The following TAPT1 variants were observed in gnomAD, a reference collection of about 807,000 sequenced individuals.
TAPT1 encodes the protein transmembrane anterior posterior transformation protein 1 homolog.
TAPT1 carries 28 observed loss-of-function variants against 65.6 expected under a neutral mutation model. The ratio of observed to expected loss-of-function variants is 0.43; its 90% CI spans 0.32 to 0.59. The LOEUF is 0.59. Among genes scored for constraint, TAPT1 ranks in the 20% least tolerant of loss-of-function variants. The pLI is 0.09. For missense variants in TAPT1, 563 were observed against 679.9 expected (o/e 0.83, Z 1.91); for synonymous variants, 278 against 245.2 (o/e 1.13, Z -1.25).
At chr4:16,164,768 C>G (rs951087149) in intron 13 of TAPT1, among the ~76,000 whole-genome samples, 1 of 152,086 alleles carries the variant, frequency 6.6e-6, no homozygotes, top group Non-Finnish European at 1.5e-5. Context: ...CAAGAGAACA[C>G]GTACAGGCCC....
chr4:16,179,655 T>C lies in TAPT1; in HGVS notation c.919A>G (p.Ile307Val). 6.6e-7 allele frequency: 1 copy of C among 1,515,478 alleles called. No homozygotes were observed. Among genetic ancestry groups the C allele is most frequent in the East Asian group, 2.5e-5 (1 of 40,440 alleles). 93.9% of individuals were successfully genotyped at this position (1,515,478 alleles called of 1,614,324 possible). ...ACATAATTTGTGAATCGTTCCTTAA[T>C]ATCTAAAAGAAAAAAAATCAACATA... ...NNLFQMSNSD[I>V]KERFTNYVLL... is the part of the protein sequence containing the mutation. The change falls in exon 8 of 14, where the codon ATT becomes GTT. Residue 307 changes from isoleucine (I) to valine (V), a missense_variant and splice_region_variant. Physicochemically the swap from Ile to Val is conservative, Grantham distance 29 (BLOSUM62 3). Coordinates refer to ENST00000405303, the MANE Select transcript of TAPT1 (RefSeq NM_153365.3).
At chr4:16,212,803 C>T (rs1238368783) in intron 2 of TAPT1, among the ~76,000 whole-genome samples, 3 of 152,242 alleles carry the variant, frequency 2.0e-5, no homozygotes, top group African/African-American at 4.8e-5. Context: ...CAGCAAGTGA[C>T]GCTTCACCAA....
At chr4:16,224,275 G>A (rs1751424527) in intron 1 of TAPT1, among the ~76,000 whole-genome samples, 1 of 152,136 alleles carries the variant, frequency 6.6e-6, no homozygotes, top group Admixed American at 6.5e-5. Context: ...ACAGAGCAGG[G>A]GAAGAGGGCA....
chr4:16,220,578 G>A (rs1353554809), intron 1 of TAPT1, among the ~76,000 whole-genome samples: 3 of 151,894 alleles, frequency 2.0e-5, no homozygotes, highest in East Asian at 1.9e-4. Context: ...GTGAAACCCC[G>A]TCTCTACTAA....
chr4:16,208,867 CCTAT>C (rs1483233050), intron 2 of TAPT1, among the ~76,000 whole-genome samples: 1 of 152,130 alleles, frequency 6.6e-6, no homozygotes, highest in African/African-American at 2.4e-5. Context: ...CTGGATCTAG[CCTAT>C]CTCTTTTTTT....
Position 16,166,670 on chromosome 4 carries a change from C to T in TAPT1, c.1437G>A (p.Pro479=), listed in dbSNP as rs114567951. The stretch of plus-strand genomic sequence containing the variant: ...TACATTTGTTCTGTGATTTACTGGA[C>T]GGCTTGCCTGGAGTGCAGGTTGCGG... The part of the protein sequence containing the change: ...NPPATCTPGK[P]SSKSQNKCKP... The change falls in exon 13 of 14, where the codon CCG becomes CCA. Residue 479 remains proline (P), a synonymous_variant. Transcript: ENST00000405303. The T allele has an allele frequency of 1.6e-3, 2,592 of 1,614,024 alleles. 4 individuals are homozygous for T. Among genetic ancestry groups the T allele is most frequent in the Non-Finnish European group, 1.8e-3 (2,074 of 1,179,880 alleles).
At chr4:16,168,128 T>C (rs930320305) in intron 12 of TAPT1, among the ~76,000 whole-genome samples, 1 of 151,924 alleles carries the variant, frequency 6.6e-6, no homozygotes, top group Non-Finnish European at 1.5e-5. Context: ...TTCTTTTTTT[T>C]TTTAAGAAGC....
intron 3 of TAPT1, among the ~76,000 whole-genome samples, chr4:16,196,416 G>A (rs1248689745): frequency 6.6e-6 from 1 of 152,216 alleles, no homozygotes; most frequent in Non-Finnish European, 1.5e-5. Flanking sequence ...GCTAACATGT[G>A]TAAAGATGAC....
At position 16,186,581 on chromosome 4, in the gene TAPT1, A is replaced by G. The variant is rs1207729198; in HGVS notation, c.870T>C (p.Val290=). ...GATTGTTCTTTTCAAACTTCTTGAAAACACTTCCTTTAATTTCAACAAACT... is the reference window on the plus strand; with the variant it reads ...GATTGTTCTTTTCAAACTTCTTGAAGACACTTCCTTTAATTTCAACAAACT... ...SNNFVEIKGS[V]FKKFEKNNLF... Residue 290 remains valine (V), a synonymous_variant, in exon 7 of 14, where the codon GTT becomes GTC. Coordinates refer to ENST00000405303, the MANE Select transcript of TAPT1 (RefSeq NM_153365.3). The G allele has an allele frequency of 6.5e-7, 1 of 1,535,806 alleles. No homozygotes were observed. Among genetic ancestry groups the G allele is most frequent in the African/African-American group, 1.4e-5 (1 of 73,020 alleles).
At chr4:16,226,194 C>T in intron 1 of TAPT1, 65 bp downstream of exon 1, 1 of 1,082,728 alleles carries the variant, frequency 9.2e-7, no homozygotes, top group African/African-American at 1.7e-5. Context: ...CCAAGGCGCC[C>T]CCGCCGCCCT....
chr4:16,185,294 C>A (rs1163318726), intron 7 of TAPT1, among the ~76,000 whole-genome samples: 3 of 151,088 alleles, frequency 2.0e-5, no homozygotes, highest in Non-Finnish European at 2.9e-5. Flanking sequence ...ATTAAAATTT[C>A]TCAGTTTTCA....
At chr4:16,214,988 G>A (rs566983966) in intron 1 of TAPT1, among the ~76,000 whole-genome samples, 1 of 152,162 alleles carries the variant, frequency 6.6e-6, no homozygotes, top group South Asian at 2.1e-4. Context: ...GGGGGGAAGC[G>A]TTTATAGTAA....
chr4:16,226,658 C>T (rs1171248242), upstream of TAPT1: 2 of 180,472 alleles, frequency 1.1e-5, no homozygotes, highest in Non-Finnish European at 2.1e-5. Flanking sequence ...GCCACGGTAG[C>T]CGCCATCTTC....
intron 3 of TAPT1, among the ~76,000 whole-genome samples, chr4:16,202,006 C>G (rs1022429643): frequency 6.6e-6 from 1 of 152,154 alleles, no homozygotes; most frequent in Admixed American, 6.5e-5. Flanking sequence ...CAATGATTCT[C>G]AAATGAAATG....
chr4:16,227,343 C>A (rs1184224540), upstream of TAPT1: 1 of 456,112 alleles, frequency 2.2e-6, no homozygotes, highest in Non-Finnish European at 4.4e-6. Context: ...CCTCCCCTTT[C>A]CAGCTCTGGC....
chr4:16,160,807 A>G lies in TAPT1; in HGVS notation c.*2501T>C, dbSNP rs1293294119. Reference sequence around the variant, plus strand: ...TGAGTTACCAGGAGTGGCAGGATATATTTTGATGGCCTAATTATAGCAAGT... The same window carrying G: ...TGAGTTACCAGGAGTGGCAGGATATGTTTTGATGGCCTAATTATAGCAAGT... On this transcript the variant is annotated 3_prime_UTR_variant, in exon 14 of 14. Coordinates refer to ENST00000405303, the MANE Select transcript of TAPT1 (RefSeq NM_153365.3). 6.5e-6 allele frequency: 1 copy of G among 152,674 alleles called. No homozygotes were observed. The highest frequency in any genetic ancestry group is 6.5e-5 in the Admixed American group (1 of 15,288). 9.5% of individuals were successfully genotyped at this position (152,674 alleles called of 1,614,324 possible).
chr4:16,190,664 A>G (rs2149691988), intron 4 of TAPT1: 1 of 154,870 alleles, frequency 6.5e-6, no homozygotes, highest in Non-Finnish European at 1.5e-5. Flanking sequence ...AAAGTTTATT[A>G]TATAACTTAG....
intron 1 of TAPT1, among the ~76,000 whole-genome samples, chr4:16,215,386 C>T (rs1750878623): frequency 6.6e-6 from 1 of 152,144 alleles, no homozygotes; most frequent in Admixed American, 6.5e-5. Context: ...AATAGGTCTA[C>T]AACAGCTTAC....
upstream of TAPT1, chr4:16,227,207 C>T (rs1220162470): frequency 2.2e-6 from 1 of 455,638 alleles, no homozygotes; most frequent in African/African-American, 2.0e-5. Flanking sequence ...GGGCCGCGGC[C>T]GGACCGGCAG....
Sources: allele counts gnomAD v4.1 joint callset (sites outside exome capture counted in the v4.1 genomes callset), GRCh38; gene constraint gnomAD v4.1.1; transcripts MANE v1.5; gene names NCBI Gene and HGNC (gene_info 2026-07-23, HGNC 2026-07-21).